Variants in DHX9 observed in about 807,000 individuals in gnomAD.
DHX9 encodes the protein DExH-box helicase 9.
Under a neutral mutation model 148.7 loss-of-function variants are expected in DHX9, and 27 were observed. The ratio of observed to expected loss-of-function variants is 0.18; its 90% confidence interval spans 0.13 to 0.25. The LOEUF (loss-of-function observed/expected upper bound fraction) is 0.25. Ranked by LOEUF, DHX9 falls within the 10% of genes least tolerant of loss-of-function variation. The pLI is 1.00. For synonymous variants in DHX9, 529 were observed against 516.6 expected (o/e 1.02, Z -0.33); for missense variants, 796 against 1,559.6 (o/e 0.51, Z 8.25).
chr1:182,876,635 C>T (rs1648814538), intron 18 of DHX9, 94 bp downstream of exon 18: 1 of 1,205,660 alleles, frequency 8.3e-7, no homozygotes, highest in Non-Finnish European at 1.2e-6. Flanking sequence ...AAAATTGTAA[C>T]CCATCTAAAT....
intron 14 of DHX9, among the ~76,000 whole-genome samples, chr1:182,868,076 C>T (rs551900933): frequency 6.6e-6 from 1 of 152,268 alleles, no homozygotes; most frequent in South Asian, 2.1e-4. Flanking sequence ...AAACACAAGA[C>T]ATCACTTCAG....
intron 3 of DHX9, among the ~76,000 whole-genome samples, chr1:182,844,365 G>C (rs1349909274): frequency 6.6e-6 from 1 of 152,170 alleles, no homozygotes; most frequent in Admixed American, 6.5e-5. Context: ...CCTCTGTCTA[G>C]TAGGTTGTTT....
At chr1:182,857,646 C>T (rs758590479) in intron 7 of DHX9, among the ~76,000 whole-genome samples, 21 of 152,172 alleles carry the variant, frequency 1.4e-4, no homozygotes, top group Non-Finnish European at 2.8e-4. Context: ...GTAGTTGTGA[C>T]AAGATACTAT....
At chr1:182,849,469 G>A (rs549122517) in intron 3 of DHX9, among the ~76,000 whole-genome samples, 1 of 152,236 alleles carries the variant, frequency 6.6e-6, no homozygotes, top group Non-Finnish European at 1.5e-5. Context: ...AATATAATGA[G>A]ATATCCAATT....
At chr1:182,874,018 A>G (rs149940127) in intron 15 of DHX9, among the ~76,000 whole-genome samples, 1 of 152,366 alleles carries the variant, frequency 6.6e-6, no homozygotes, top group Non-Finnish European at 1.5e-5. Flanking sequence ...GATTACCAAA[A>G]TACAAAATAT....
At position 182,858,886 on chromosome 1, in the gene DHX9, C is replaced by T; in HGVS notation, c.1054C>T (p.Leu352=). Residue 352 remains leucine (L), a synonymous_variant, in exon 10 of 28, where the codon CTG becomes TTG. Coordinates refer to ENST00000367549, the MANE Select transcript of DHX9 (RefSeq NM_001357.5). The stretch of plus-strand genomic sequence containing the variant: ...TAGTAGCAACATTGATGAGGGGCCT[C>T]TGGCTTTTGTGAGTGCAATATTGTT... ...WTSSNIDEGP[L]AFATPEQISM... is the part of the protein sequence containing the mutation. The T allele has an allele frequency of 6.2e-7, 1 of 1,614,056 alleles. No individual in the cohort carries two copies. Among genetic ancestry groups the T allele is most frequent in the East Asian group, 2.2e-5 (1 of 44,876 alleles).
chr1:182,869,218 T>A (rs1356978063), intron 14 of DHX9, among the ~76,000 whole-genome samples: 1 of 152,194 alleles, frequency 6.6e-6, no homozygotes, highest in Non-Finnish European at 1.5e-5. Flanking sequence ...GAGGTCTGTG[T>A]ACTATTCACA....
chr1:182,864,888 C>G (rs1648220046), intron 12 of DHX9, among the ~76,000 whole-genome samples: 1 of 152,148 alleles, frequency 6.6e-6, no homozygotes. Flanking sequence ...GCTTGAGAAA[C>G]TGACCATCTC....
intron 14 of DHX9, among the ~76,000 whole-genome samples, chr1:182,871,825 G>A (rs1345740427): frequency 6.6e-6 from 1 of 152,194 alleles, no homozygotes; most frequent in African/African-American, 2.4e-5. Context: ...GGCCGAGGCG[G>A]GTGGATCACT....
chr1:182,862,986 G>A (rs1328219483), intron 12 of DHX9, among the ~76,000 whole-genome samples: 1 of 152,096 alleles, frequency 6.6e-6, no homozygotes, highest in African/African-American at 2.4e-5. Context: ...TACTATGGCT[G>A]GACTCCAGGC....
chr1:182,862,684 T>C (rs11810284), intron 12 of DHX9, among the ~76,000 whole-genome samples: 35,638 of 152,102 alleles, frequency 0.23, 7,346 homozygotes, highest in African/African-American at 0.56. Flanking sequence ...ATATAACGCT[T>C]AGATGTGAAA....
At chr1:182,866,654 A>G (rs540567479) in intron 13 of DHX9, 69 bp downstream of exon 13, 1 of 1,499,352 alleles carries the variant, frequency 6.7e-7, no homozygotes, top group East Asian at 2.3e-5. Flanking sequence ...TGATAGCAGA[A>G]CAGAATGACT....
At chr1:182,873,223 T>C (rs1158914712) in intron 15 of DHX9, among the ~76,000 whole-genome samples, 1 of 152,208 alleles carries the variant, frequency 6.6e-6, no homozygotes, top group Non-Finnish European at 1.5e-5. Flanking sequence ...CCCAAAGTGC[T>C]GGGATTACAG....
chr1:182,851,108 A>G lies in DHX9; in HGVS notation c.253-1125A>G, dbSNP rs559759015. On this transcript the variant is annotated intron_variant, in intron 3 of 27. Transcript: ENST00000367549. ...CTTGGTTATTAGGGCTGACCCTTGA[A>G]TAGGTTCTACTTTGTCTCCATAACC... is the stretch of plus-strand genomic sequence containing the variant. Among the ~76,000 whole-genome samples, 394 of 152,336 alleles carry G rather than the reference A, an allele frequency of 2.6e-3. 1 individual carries two copies. The highest frequency in any genetic ancestry group is 4.6e-3 in the Non-Finnish European group (313 of 68,034).
intron 20 of DHX9, among the ~76,000 whole-genome samples, chr1:182,878,898 TATC>T (rs1396564828): frequency 1.3e-5 from 2 of 152,246 alleles, no homozygotes. Context: ...TAGTATGAGT[TATC>T]ATCCTACAAA....
Position 182,860,094 on chromosome 1 carries a change from A to G in DHX9, c.1242A>G (p.Gly414=). ...NSVVIIRGAT[G]CGKTTQVPQF... ...TTGTCATTATTAGAGGGGCTACTGG[A>G]TGTGGGAAAACCACACAGGTTCCCC... The change falls in exon 12 of 28, where the codon GGA becomes GGG. Residue 414 remains glycine, a synonymous_variant. Coordinates refer to ENST00000367549, the MANE Select transcript of DHX9 (RefSeq NM_001357.5). The G allele has an allele frequency of 6.2e-7, 1 of 1,614,098 alleles. No homozygotes were observed. The highest frequency in any genetic ancestry group is 8.5e-7 in the Non-Finnish European group (1 of 1,179,994).
intron 12 of DHX9, among the ~76,000 whole-genome samples, chr1:182,864,379 G>A (rs1648185016): frequency 6.6e-6 from 1 of 152,090 alleles, no homozygotes; most frequent in Admixed American, 6.5e-5. Context: ...TACCATACCG[G>A]GCTTAAAGAT....
At chr1:182,865,231 T>G (rs948419107) in intron 12 of DHX9, among the ~76,000 whole-genome samples, 3 of 152,224 alleles carry the variant, frequency 2.0e-5, no homozygotes, top group African/African-American at 7.2e-5. Flanking sequence ...AACTCAAGTA[T>G]GTAGAATTCT....
At chr1:182,874,050 T>C (rs777126502) in intron 15 of DHX9, among the ~76,000 whole-genome samples, 9 of 152,222 alleles carry the variant, frequency 5.9e-5, no homozygotes, top group Non-Finnish European at 1.3e-4. Context: ...TACTGATATG[T>C]AAATAAGTGG....
Sources: gnomAD v4.1 joint callset for allele counts (sites outside exome capture counted in the v4.1 genomes callset) on GRCh38, gnomAD v4.1.1 for gene constraint, MANE v1.5 for transcripts, NCBI Gene and HGNC (gene_info 2026-07-23, HGNC 2026-07-21) for gene names.